MTUS2: variants seen among roughly 807,000 people sequenced by gnomAD.
MTUS2 encodes microtubule-associated tumor suppressor candidate 2.
Under a neutral mutation model 114.1 loss-of-function variants are expected in MTUS2, and 40 were observed. The observed-to-expected ratio is 0.35, with a 90% CI of 0.27 to 0.46. The LOEUF (loss-of-function observed/expected upper bound fraction) is 0.46. Among genes scored for constraint, MTUS2 ranks in the 20% least tolerant of loss-of-function variants. MTUS2 has a pLI of 1.00. For synonymous variants in MTUS2, 688 were observed against 672.0 expected, an observed-to-expected ratio of 1.02 and a Z score of -0.37; for missense variants, 1,679 against 1,705.4, an observed-to-expected ratio of 0.98 and a Z score of 0.27.
At chr13:28,950,213 C>G (rs1019114002) in intron 2 of MTUS2, among the ~76,000 whole-genome samples, 5 of 150,450 alleles carry the variant, frequency 3.3e-5, no homozygotes, top group African/African-American at 1.2e-4. Flanking sequence ...TGTTCACCAT[C>G]TTCATATTCT....
intron 5 of MTUS2, among the ~76,000 whole-genome samples, chr13:29,171,605 C>T (rs1342362629): frequency 6.6e-6 from 1 of 152,122 alleles, no homozygotes; most frequent in African/African-American, 2.4e-5. Flanking sequence ...CAGTTAGGGT[C>T]AGGTTTGTCT....
chr13:29,194,888 A>G (rs918412550), intron 5 of MTUS2, among the ~76,000 whole-genome samples: 23 of 150,290 alleles, frequency 1.5e-4, no homozygotes, highest in African/African-American at 4.9e-4. Context: ...AATGTGGCAC[A>G]TATACACCAT....
chr13:28,854,842 C>T (rs1400242608), intron 2 of MTUS2, among the ~76,000 whole-genome samples: 5 of 152,266 alleles, frequency 3.3e-5, no homozygotes, highest in African/African-American at 7.2e-5. Context: ...CTCTGACTTC[C>T]GTGGCGTGTC....
intron 7 of MTUS2, among the ~76,000 whole-genome samples, chr13:29,346,258 A>G (rs551706832): frequency 6.6e-6 from 1 of 152,146 alleles, no homozygotes; most frequent in East Asian, 1.9e-4. Flanking sequence ...AGGGCCATAG[A>G]GCTCCCAAGA....
intron 9 of MTUS2, among the ~76,000 whole-genome samples, chr13:29,457,159 A>G (rs1359793306): frequency 6.6e-6 from 1 of 150,494 alleles, no homozygotes; most frequent in East Asian, 1.9e-4. Context: ...AAAAAAAAAG[A>G]CTATTCTTTT....
At chr13:29,477,360 G>A (rs1055532253) in intron 9 of MTUS2, among the ~76,000 whole-genome samples, 10 of 151,986 alleles carry the variant, frequency 6.6e-5, no homozygotes, top group African/African-American at 1.7e-4. Flanking sequence ...AGCTTTGTTC[G>A]CTAGCTCAAC....
chr13:28,998,501 C>T (rs1885224686), intron 2 of MTUS2, among the ~76,000 whole-genome samples: 1 of 152,212 alleles, frequency 6.6e-6, no homozygotes, highest in Admixed American at 6.5e-5. Flanking sequence ...AACTTGGTTC[C>T]ATTCTGCCCG....
chr13:29,340,978 T>A (rs1441360615), intron 7 of MTUS2, among the ~76,000 whole-genome samples: 1 of 152,228 alleles, frequency 6.6e-6, no homozygotes, highest in Admixed American at 6.5e-5. Context: ...ATGCCATTAT[T>A]TCTTTTCTTT....
intron 7 of MTUS2, among the ~76,000 whole-genome samples, chr13:29,348,894 T>A (rs184986273): frequency 6.6e-6 from 1 of 152,330 alleles, no homozygotes; most frequent in East Asian, 1.9e-4. Flanking sequence ...TTCAGCATGG[T>A]ATAATCTTTC....
chr13:29,154,521 C>T (rs1432751976), intron 5 of MTUS2, among the ~76,000 whole-genome samples: 1 of 152,188 alleles, frequency 6.6e-6, no homozygotes, highest in African/African-American at 2.4e-5. Flanking sequence ...GAATCAATTT[C>T]ATAAATAATA....
intron 8 of MTUS2, among the ~76,000 whole-genome samples, chr13:29,376,118 C>T (rs992918804): frequency 6.6e-6 from 1 of 151,652 alleles, no homozygotes; most frequent in African/African-American, 2.4e-5. Context: ...CTTAGAATAA[C>T]AAGAATGAAG....
intron 8 of MTUS2, among the ~76,000 whole-genome samples, chr13:29,415,350 G>A (rs1329119401): frequency 6.6e-6 from 1 of 152,114 alleles, no homozygotes; most frequent in Non-Finnish European, 1.5e-5. Flanking sequence ...TTTGAATCAA[G>A]AGTAGAAAAA....
intron 2 of MTUS2, among the ~76,000 whole-genome samples, chr13:28,951,185 A>G (rs1364611850): frequency 2.0e-5 from 3 of 152,240 alleles, no homozygotes; most frequent in Admixed American, 6.5e-5. Context: ...TCCATTTACA[A>G]TAACACCAAA....
chr13:28,950,969 G>A (rs1238439429), intron 2 of MTUS2, among the ~76,000 whole-genome samples: 1 of 152,130 alleles, frequency 6.6e-6, no homozygotes, highest in Non-Finnish European at 1.5e-5. Flanking sequence ...GTAAAACAAG[G>A]TGTACCTGTA....
chr13:29,234,249 G>A (rs1418774040), intron 5 of MTUS2, among the ~76,000 whole-genome samples: 1 of 152,108 alleles, frequency 6.6e-6, no homozygotes, highest in Admixed American at 6.5e-5. Context: ...AGGTGTTGGG[G>A]CTTCAGTAGT....
chr13:29,473,378 T>C (rs973622018), intron 9 of MTUS2, among the ~76,000 whole-genome samples: 6 of 152,178 alleles, frequency 3.9e-5, no homozygotes, highest in Admixed American at 3.9e-4. Context: ...AGAAGACACT[T>C]GGGACAGTCG....
intron 6 of MTUS2, among the ~76,000 whole-genome samples, chr13:29,317,629 G>A (rs1477273837): frequency 5.5e-5 from 1 of 18,070 alleles, no homozygotes; most frequent in African/African-American, 1.2e-4. Flanking sequence ...TAGTAGAGAC[G>A]GGGTTTCACC....
At chr13:28,909,425 C>T (rs1010874753) in intron 2 of MTUS2, among the ~76,000 whole-genome samples, 15 of 151,892 alleles carry the variant, frequency 9.9e-5, no homozygotes, top group Non-Finnish European at 1.3e-4. Flanking sequence ...AAGTTGGATT[C>T]GTAGGTATTT....
At chr13:28,827,692 A>G (rs1874362720) in intron 1 of MTUS2, among the ~76,000 whole-genome samples, 1 of 152,120 alleles carries the variant, frequency 6.6e-6, no homozygotes. Context: ...AAAGAGAGAA[A>G]TTTTAGAGCT....
Sources: gnomAD v4.1 joint callset for allele counts (sites outside exome capture counted in the v4.1 genomes callset) on GRCh38, gnomAD v4.1.1 for gene constraint, MANE v1.5 for transcripts, NCBI Gene and HGNC (gene_info 2026-07-23, HGNC 2026-07-21) for gene names.